Variants in EFCAB13 observed in about 807,000 individuals in gnomAD.
EFCAB13 encodes EF-hand calcium-binding domain-containing protein 13.
In EFCAB13, 91 loss-of-function variants were observed where a neutral mutation model predicts 110.2. The ratio of observed to expected loss-of-function variants is 0.83; its 90% CI spans 0.70 to 0.98. The LOEUF is 0.98. Among genes scored for constraint, EFCAB13 ranks in the 50% least tolerant of loss-of-function variants. The pLI is 0.00. For missense variants in EFCAB13, 968 were observed against 1,119.4 expected (o/e 0.86, Z 1.93); for synonymous variants, 323 against 369.9 (o/e 0.87, Z 1.45).
intron 14 of EFCAB13, among the ~76,000 whole-genome samples, chr17:47,387,480 G>A (rs890802533): frequency 4.1e-4 from 63 of 151,892 alleles, no homozygotes; most frequent in African/African-American, 1.5e-3. Context: ...TATATATTTG[G>A]GTCCTCTGTT....
Position 47,398,080 on chromosome 17 carries a change from G to C in EFCAB13, c.1945+2103G>C, listed in dbSNP as rs867022947. 1.3e-4 allele frequency among the ~76,000 whole-genome samples: 18 copies of C among 139,004 alleles called. No homozygotes were observed. In the South Asian group the frequency reaches 3.1e-3, roughly 24 times the overall value. The allele number at this position is 139,004 out of a possible 152,430, so 91.2% of individuals were successfully genotyped here. A position where few individuals can be genotyped will look rare whatever the true frequency, so the allele number is the denominator to read the frequency against. ...AGGGAGGTTGGGGGGTCAGCCCGCC[G>C]CCCGGCCAGCCGCCCCGTCCGGGAG... On this transcript the variant is annotated intron_variant, in intron 17 of 24. Transcript: ENST00000331493.
At chr17:47,327,533 C>T (rs903749516) in intron 3 of EFCAB13, among the ~76,000 whole-genome samples, 8 of 151,942 alleles carry the variant, frequency 5.3e-5, no homozygotes, top group African/African-American at 1.9e-4. Context: ...TCTTGGCTCA[C>T]TGCAATCTCC....
chr17:47,385,031 A>G (rs2065668833), intron 14 of EFCAB13, among the ~76,000 whole-genome samples: 2 of 152,166 alleles, frequency 1.3e-5, no homozygotes, highest in Admixed American at 6.5e-5. Flanking sequence ...TCGGGCTCCC[A>G]AAGTGCTGGA....
intron 9 of EFCAB13, among the ~76,000 whole-genome samples, chr17:47,358,598 T>G (rs2065493574): frequency 6.6e-6 from 1 of 152,240 alleles, no homozygotes; most frequent in Non-Finnish European, 1.5e-5. Flanking sequence ...TGTTTTCTTC[T>G]AGTCTGTTGT....
chr17:47,378,276 A>T (rs1258110960), intron 13 of EFCAB13, among the ~76,000 whole-genome samples: 1 of 152,192 alleles, frequency 6.6e-6, no homozygotes, highest in Admixed American at 6.5e-5. Context: ...GGATCCAAAG[A>T]TTAATAATTG....
intron 23 of EFCAB13, among the ~76,000 whole-genome samples, chr17:47,429,154 GCTA>G (rs1905054933): frequency 6.6e-6 from 1 of 152,082 alleles, no homozygotes; most frequent in Non-Finnish European, 1.5e-5. Flanking sequence ...GGAAGAAGAA[GCTA>G]CTCATGTCAA....
At position 47,338,966 on chromosome 17, in the gene EFCAB13, T is replaced by C. The variant is rs1415326350; in HGVS notation, c.192-2955T>C. Among the ~76,000 whole-genome samples, 2 of 151,666 alleles carry C rather than the reference T, an allele frequency of 1.3e-5. 1 individual carries two copies. The highest frequency in any genetic ancestry group is 1.3e-4 in the Admixed American group (2 of 15,234). Reference sequence around the variant, plus strand: ...AATTAAAAATAAATTTAAGAAACAATAAATATATATAATTTTGTCTATCAA... The same window carrying C: ...AATTAAAAATAAATTTAAGAAACAACAAATATATATAATTTTGTCTATCAA... On this transcript the variant is annotated intron_variant, in intron 5 of 24. Coordinates refer to ENST00000331493, the MANE Select transcript of EFCAB13 (RefSeq NM_152347.5).
At chr17:47,371,032 G>A (rs1043922305) in intron 11 of EFCAB13, among the ~76,000 whole-genome samples, 4 of 145,258 alleles carry the variant, frequency 2.8e-5, no homozygotes, top group Admixed American at 6.9e-5. Context: ...GAGCCACCGC[G>A]TCTGGCTCTT....
chr17:47,421,102 TGAG>T (rs1452425448), intron 23 of EFCAB13, among the ~76,000 whole-genome samples: 45 of 150,930 alleles, frequency 3.0e-4, no homozygotes, highest in African/African-American at 1.1e-3. Context: ...TACTGGGAAG[TGAG>T]GAGCCCCTCT....
At chr17:47,392,044 G>A (rs1439540066) in intron 15 of EFCAB13, among the ~76,000 whole-genome samples, 1 of 152,142 alleles carries the variant, frequency 6.6e-6, no homozygotes, top group Non-Finnish European at 1.5e-5. Flanking sequence ...GAAAGGGTGA[G>A]AGTGGCTCGA....
At chr17:47,389,940 CTG>C (rs2065696885) in intron 14 of EFCAB13, among the ~76,000 whole-genome samples, 1 of 152,022 alleles carries the variant, frequency 6.6e-6, no homozygotes, top group East Asian at 1.9e-4. Flanking sequence ...ATGTATCTTG[CTG>C]TATGTACTAT....
At chr17:47,434,382 A>G (rs541101082) in intron 24 of EFCAB13, among the ~76,000 whole-genome samples, 2 of 152,256 alleles carry the variant, frequency 1.3e-5, no homozygotes, top group South Asian at 4.1e-4. Context: ...CACAAGGAAA[A>G]CTACAAAACA....
At chr17:47,400,683 T>C (rs1042253501) in intron 17 of EFCAB13, among the ~76,000 whole-genome samples, 9 of 134,746 alleles carry the variant, frequency 6.7e-5, no homozygotes, top group African/African-American at 2.5e-4. Flanking sequence ...CCCTTCCCTC[T>C]CCTTCCCTTC....
chr17:47,397,937 A>C (rs1341494142), intron 17 of EFCAB13, among the ~76,000 whole-genome samples: 2 of 134,478 alleles, frequency 1.5e-5, no homozygotes, highest in African/African-American at 2.8e-5. Context: ...AGCCCCCGCT[A>C]GGCCAGCCGC....
chr17:47,394,161 GA>G, intron 16 of EFCAB13, 62 bp downstream of exon 16: 1 of 1,094,804 alleles, frequency 9.1e-7, no homozygotes, highest in Non-Finnish European at 1.3e-6. Context: ...GATTTTAGAA[GA>G]GCGTAAACAC....
intron 8 of EFCAB13, among the ~76,000 whole-genome samples, chr17:47,346,607 G>A (rs1229097890): frequency 6.6e-6 from 1 of 152,082 alleles, no homozygotes; most frequent in Non-Finnish European, 1.5e-5. Flanking sequence ...ACTGGATCAT[G>A]TGGCTTTGCT....
At chr17:47,344,126 C>T in intron 6 of EFCAB13, 36 bp from the exon 7 acceptor site, 2 of 1,592,926 alleles carry the variant, frequency 1.3e-6, no homozygotes, top group East Asian at 2.3e-5. Context: ...CAGTGTCACT[C>T]ACCTCAGGCA....
At chr17:47,349,112 A>G (rs2065434131) in intron 9 of EFCAB13, among the ~76,000 whole-genome samples, 2 of 152,216 alleles carry the variant, frequency 1.3e-5, no homozygotes, top group Admixed American at 6.5e-5. Flanking sequence ...GAGACAGACA[A>G]CTTGATAGAC....
chr17:47,326,610 C>G (rs559972719), intron 3 of EFCAB13, among the ~76,000 whole-genome samples: 32 of 152,098 alleles, frequency 2.1e-4, no homozygotes, highest in Non-Finnish European at 4.0e-4. Flanking sequence ...ATGAAAAATA[C>G]AAATACAAGG....
Sources: gnomAD v4.1 joint callset for allele counts (sites outside exome capture counted in the v4.1 genomes callset) on GRCh38, gnomAD v4.1.1 for gene constraint, MANE v1.5 for transcripts, NCBI Gene and HGNC (gene_info 2026-07-23, HGNC 2026-07-21) for gene names.